The following LRRC4C variants were observed in gnomAD, a reference collection of about 807,000 sequenced individuals.
LRRC4C encodes leucine-rich repeat-containing protein 4C.
Under a neutral mutation model 33.6 loss-of-function variants are expected in LRRC4C, and 5 were observed. That is an observed-to-expected ratio of 0.15 (90% CI 0.08 to 0.31). The LOEUF is 0.31. Among genes scored for constraint, LRRC4C ranks in the 10% least tolerant of loss-of-function variants. The pLI, the probability that LRRC4C is intolerant of heterozygous loss-of-function variation, is 1.00. For synonymous variants in LRRC4C, 329 were observed against 302.0 expected (o/e 1.09, Z -0.93); for missense variants, 560 against 796.7 (o/e 0.70, Z 3.58).
At chr11:41,417,224 A>G (rs1247127726) in intron 1 of LRRC4C, among the ~76,000 whole-genome samples, 2 of 152,108 alleles carry the variant, frequency 1.3e-5, no homozygotes, top group East Asian at 1.9e-4. Context: ...CGGAAATAGG[A>G]TATAAATGAA....
intron 2 of LRRC4C, among the ~76,000 whole-genome samples, chr11:40,758,062 G>A (rs1225014050): frequency 6.6e-6 from 1 of 152,012 alleles, no homozygotes; most frequent in East Asian, 1.9e-4. Context: ...GGAAGTTTAT[G>A]TTGAGGAATA....
intron 1 of LRRC4C, among the ~76,000 whole-genome samples, chr11:41,303,215 A>G (rs1950337819): frequency 6.7e-6 from 1 of 149,212 alleles, no homozygotes; most frequent in Non-Finnish European, 1.5e-5. Context: ...CTCCTGCCTC[A>G]GTCTACCGAA....
Position 40,981,399 on chromosome 11 carries a change from G to A in LRRC4C, c.-495-47676C>T, listed in dbSNP as rs983287246. Among the ~76,000 whole-genome samples, 25 of 150,308 alleles carry A rather than the reference G, an allele frequency of 1.7e-4. 1 individual carries two copies. The highest frequency in any genetic ancestry group is 3.4e-3 in the Middle Eastern group (1 of 290). On this transcript the variant is annotated intron_variant, in intron 1 of 6. Transcript: ENST00000528697. ...ACTGCATTCCAGCCTGGGCGACAGA[G>A]CAAGACTCCGTCTCAAAAAAAAAAA...
At chr11:41,027,916 C>T (rs1856486510) in intron 1 of LRRC4C, among the ~76,000 whole-genome samples, 2 of 151,578 alleles carry the variant, frequency 1.3e-5, no homozygotes. Flanking sequence ...TTTTAATCTA[C>T]AGTGTATAAA....
At chr11:40,574,461 C>A (rs1429967162) in intron 3 of LRRC4C, among the ~76,000 whole-genome samples, 2 of 152,158 alleles carry the variant, frequency 1.3e-5, no homozygotes, top group East Asian at 1.9e-4. Context: ...CAGGAACAAA[C>A]CTGAGCTAAG....
chr11:41,008,854 T>G (rs1854954876), intron 1 of LRRC4C, among the ~76,000 whole-genome samples: 1 of 152,096 alleles, frequency 6.6e-6, no homozygotes, highest in East Asian at 1.9e-4. Context: ...AAAAACTCCT[T>G]TATGGCTCCC....
At chr11:40,608,349 C>T (rs1479994425) in intron 3 of LRRC4C, among the ~76,000 whole-genome samples, 1 of 151,330 alleles carries the variant, frequency 6.6e-6, no homozygotes, top group Non-Finnish European at 1.5e-5. Flanking sequence ...TTATCTAAGC[C>T]CTATAATAAC....
intron 1 of LRRC4C, among the ~76,000 whole-genome samples, chr11:40,959,432 C>A (rs1487091505): frequency 1.3e-5 from 2 of 151,484 alleles, no homozygotes; most frequent in Non-Finnish European, 3.0e-5. Context: ...AAAAAAAAAT[C>A]CATTTTTATT....
chr11:40,903,196 T>A (rs975621339), intron 2 of LRRC4C, among the ~76,000 whole-genome samples: 2 of 152,196 alleles, frequency 1.3e-5, no homozygotes, highest in Admixed American at 1.3e-4. Context: ...ATAAGAATGA[T>A]GCTAAATCTA....
At chr11:41,408,963 G>A (rs544863033) in intron 1 of LRRC4C, among the ~76,000 whole-genome samples, 12 of 152,142 alleles carry the variant, frequency 7.9e-5, no homozygotes, top group African/African-American at 2.4e-4. Context: ...GCTTTCTGTC[G>A]GGCAACCTGA....
intron 3 of LRRC4C, among the ~76,000 whole-genome samples, chr11:40,402,643 T>G (rs988021374): frequency 2.6e-5 from 4 of 152,054 alleles, no homozygotes; most frequent in East Asian, 3.9e-4. Context: ...CTATATATTC[T>G]CCCCTAAACA....
chr11:41,359,187 G>A (rs774713430), intron 1 of LRRC4C, among the ~76,000 whole-genome samples: 5 of 147,430 alleles, frequency 3.4e-5, no homozygotes, highest in Non-Finnish European at 7.7e-5. Context: ...CCAGGAATTA[G>A]AGAGAGGAAG....
At chr11:41,348,285 CAT>C (rs2137540754) in intron 1 of LRRC4C, among the ~76,000 whole-genome samples, 1 of 152,156 alleles carries the variant, frequency 6.6e-6, no homozygotes, top group Non-Finnish European at 1.5e-5. Context: ...TTCCATAAAA[CAT>C]AGCCAAAACT....
At chr11:40,792,747 A>C (rs1443928869) in intron 2 of LRRC4C, among the ~76,000 whole-genome samples, 1 of 152,158 alleles carries the variant, frequency 6.6e-6, no homozygotes, top group African/African-American at 2.4e-5. Flanking sequence ...CAAATGTCCA[A>C]CAATGATAGA....
chr11:40,758,261 G>A (rs1949039782), intron 2 of LRRC4C, among the ~76,000 whole-genome samples: 1 of 151,884 alleles, frequency 6.6e-6, no homozygotes, highest in South Asian at 2.1e-4. Context: ...AAAAAATTAT[G>A]CCTCCTACCA....
At chr11:40,878,496 C>T (rs1014126291) in intron 2 of LRRC4C, among the ~76,000 whole-genome samples, 1 of 152,180 alleles carries the variant, frequency 6.6e-6, no homozygotes, top group Non-Finnish European at 1.5e-5. Flanking sequence ...CTCGCATGTG[C>T]AATTCACAAT....
intron 3 of LRRC4C, among the ~76,000 whole-genome samples, chr11:40,557,339 T>C (rs1470596635): frequency 1.3e-5 from 2 of 152,248 alleles, no homozygotes; most frequent in Admixed American, 6.5e-5. Context: ...CTTGGTCTCT[T>C]CGAGTTCCTT....
chr11:40,117,982 T>C (rs1194889047), intron 6 of LRRC4C, among the ~76,000 whole-genome samples: 6 of 150,104 alleles, frequency 4.0e-5, no homozygotes, highest in African/African-American at 1.5e-4. Flanking sequence ...TAGATATGGT[T>C]ATTATTTCAT....
At chr11:41,129,127 C>A (rs567713048) in intron 1 of LRRC4C, among the ~76,000 whole-genome samples, 130 of 151,852 alleles carry the variant, frequency 8.6e-4, no homozygotes, top group African/African-American at 3.1e-3. Context: ...ATGTGAACAC[C>A]AAACTGGGAT....
Sources: gnomAD v4.1 joint callset for allele counts (sites outside exome capture counted in the v4.1 genomes callset) on GRCh38, gnomAD v4.1.1 for gene constraint, MANE v1.5 for transcripts, NCBI Gene and HGNC (gene_info 2026-07-23, HGNC 2026-07-21) for gene names.